The following HBS1L variants were observed in gnomAD, a reference collection of about 807,000 sequenced individuals.
The protein encoded by HBS1L is HBS1-like protein.
A neutral mutation model predicts 88.9 loss-of-function variants in HBS1L; 55 were observed. The ratio of observed to expected loss-of-function variants is 0.62; its 90% CI spans 0.50 to 0.77. HBS1L has a LOEUF of 0.77. HBS1L is among the 30% of genes least tolerant of loss of function. The pLI is 0.00. For missense variants in HBS1L, 741 were observed against 829.3 expected (o/e 0.89, Z 1.31); for synonymous variants, 267 against 288.5 (o/e 0.93, Z 0.76).
At chr6:135,014,801 G>A (rs1240457370) in intron 4 of HBS1L, among the ~76,000 whole-genome samples, 1 of 139,426 alleles carries the variant, frequency 7.2e-6, no homozygotes, top group African/African-American at 2.7e-5. Flanking sequence ...CAGATCACCT[G>A]AGCCCAGGAG....
At chr6:134,982,387 TA>T in intron 13 of HBS1L, 70 bp downstream of exon 13, 1 of 909,434 alleles carries the variant, frequency 1.1e-6, no homozygotes. Context: ...GAGTTGTAAC[TA>T]AACCACTTTT....
chr6:135,051,634 C>A (rs939661114), intron 1 of HBS1L, among the ~76,000 whole-genome samples: 2 of 152,174 alleles, frequency 1.3e-5, no homozygotes, highest in African/African-American at 2.4e-5. Flanking sequence ...CACACTTACC[C>A]AATTTACAGA....
rs1469724395 is a variant in HBS1L, at chr6:134,969,337, AC to A, written c.1798del (p.Val600CysfsTer17). 2 of 1,598,326 alleles carry A rather than the reference AC, an allele frequency of 1.3e-6. No individual in the cohort carries two copies. The highest frequency in any genetic ancestry group is 1.7e-6 in the Non-Finnish European group (2 of 1,166,008). On this transcript the variant is annotated frameshift_variant and splice_region_variant, in exon 16 of 18. Coordinates refer to ENST00000367837, the MANE Select transcript of HBS1L (RefSeq NM_006620.4). LOFTEE classifies it high-confidence loss of function. ...ACTGACAGTTTGGTAGTGTAACAGC[AC>A]CTAAAACAAAAAATTATAACACTAA... ...IEIPITKGFP[V>X]LLHYQTVSEP...
intron 17 of HBS1L, 26 bp downstream of exon 17, chr6:134,966,303 T>C (rs377631142): frequency 1.3e-6 from 2 of 1,594,056 alleles, no homozygotes; most frequent in African/African-American, 2.7e-5. Context: ...TATGGATATA[T>C]AATGAGTCAC....
In HBS1L at chr6:135,041,994, G is replaced by T. The variant is rs1477701150; in HGVS notation, c.235+7C>A. ...TCAGATAACAGATACACTACTTTTT[G>T]CTATACCTTGATCAAATCCACTGAG... On this transcript the variant is annotated splice_region_variant and intron_variant, in intron 3 of 17. Transcript: ENST00000367837. 6.2e-7 allele frequency: 1 copy of T among 1,608,762 alleles called. No individual in the cohort carries two copies. Among genetic ancestry groups the T allele is most frequent in the Non-Finnish European group, 8.5e-7 (1 of 1,177,978 alleles).
rs1775354042 is a variant in HBS1L at position 134,998,512 on chromosome 6, A to G, written c.540-856T>C. Reference sequence around the variant, plus strand: ...AACTATGGATAAACAGAATTAGGACAAAGAGCAGGTTAAATTGGAAGTTAT... The same window carrying G: ...AACTATGGATAAACAGAATTAGGACGAAGAGCAGGTTAAATTGGAAGTTAT... On this transcript the variant is annotated intron_variant, in intron 5 of 17. Coordinates refer to ENST00000367837, the MANE Select transcript of HBS1L (RefSeq NM_006620.4). Among the ~76,000 whole-genome samples the G allele has an allele frequency of 3.9e-5, 6 of 152,386 alleles. 1 individual carries two copies. In the South Asian group the frequency reaches 1.2e-3, roughly 32 times the overall value.
chr6:134,974,259 T>TAA (rs1214019646), intron 15 of HBS1L, among the ~76,000 whole-genome samples: 1 of 149,248 alleles, frequency 6.7e-6, no homozygotes, highest in Non-Finnish European at 1.5e-5. Context: ...AAATCAGTAA[T>TAA]AAAAAAAAAA....
intron 4 of HBS1L, among the ~76,000 whole-genome samples, chr6:135,032,745 CTTA>C (rs1206172916): frequency 6.6e-6 from 1 of 152,052 alleles, no homozygotes; most frequent in African/African-American, 2.4e-5. Flanking sequence ...AAATGAGCAC[CTTA>C]TTAGTTTTAT....
chr6:135,037,299 G>A, intron 4 of HBS1L: 3 of 1,551,808 alleles, frequency 1.9e-6, no homozygotes, highest in Non-Finnish European at 8.7e-7. Context: ...GGCTTATATT[G>A]TTTTCTTTGT....
At position 134,979,226 on chromosome 6, in the gene HBS1L, C is replaced by T; in HGVS notation, c.1640G>A (p.Gly547Asp). The change falls in exon 14 of 18, where the codon GGC becomes GAC. Residue 547 changes from glycine (G) to aspartate (D), a missense_variant. Gly to Asp is a moderately conservative substitution (Grantham distance 94). Transcript: ENST00000367837. Reference sequence around the variant, plus strand: ...AACCAAAGTAAGACTAACATGATCGCCTGCTGCCGCCCAGTCGACAGGTTC... The same window carrying T: ...AACCAAAGTAAGACTAACATGATCGTCTGCTGCCGCCCAGTCGACAGGTTC... ...HDEPVDWAAA[G>D]DHVSLTLVGM... 6.2e-7 allele frequency: 1 copy of T among 1,612,220 alleles called. No individual in the cohort carries two copies. The highest frequency in any genetic ancestry group is 8.5e-7 in the Non-Finnish European group (1 of 1,178,694).
intron 14 of HBS1L, 142 bp downstream of exon 14, chr6:134,979,036 G>GT: frequency 1.5e-6 from 1 of 654,094 alleles, no homozygotes; most frequent in Non-Finnish European, 2.7e-6. Context: ...CAAATTTTAA[G>GT]TAAGTTTGCT....
chr6:135,052,379 G>T (rs151187664), intron 1 of HBS1L, among the ~76,000 whole-genome samples: 1 of 151,960 alleles, frequency 6.6e-6, no homozygotes, highest in Non-Finnish European at 1.5e-5. Context: ...GGAGGATCTC[G>T]CTTGGGCAAC....
intron 15 of HBS1L, among the ~76,000 whole-genome samples, chr6:134,973,838 GA>G (rs199823698): frequency 0.15 from 19,752 of 134,244 alleles, 1,537 homozygotes; most frequent in East Asian, 0.29. Flanking sequence ...TCCATCTCAA[GA>G]AAAAAAAAAA....
chr6:134,988,201 A>C (rs1263474920), intron 8 of HBS1L, among the ~76,000 whole-genome samples: 1 of 151,836 alleles, frequency 6.6e-6, no homozygotes, highest in Admixed American at 6.6e-5. Context: ...CCATCTCTGC[A>C]AAAAATACAA....
At chr6:135,003,937 T>A (rs1478285079) in intron 4 of HBS1L, among the ~76,000 whole-genome samples, 1 of 152,138 alleles carries the variant, frequency 6.6e-6, no homozygotes, top group African/African-American at 2.4e-5. Flanking sequence ...ATGAGCTAGA[T>A]CAAAGTAAGA....
intron 12 of HBS1L, chr6:134,982,832 A>G (rs971125005): frequency 1.8e-5 from 4 of 228,538 alleles, no homozygotes; most frequent in African/African-American, 9.1e-5. Flanking sequence ...AGTACCAGAT[A>G]TTATACTAAA....
chr6:135,047,478 A>G (rs188717267), intron 2 of HBS1L, among the ~76,000 whole-genome samples: 198 of 152,308 alleles, frequency 1.3e-3, no homozygotes, highest in Middle Eastern at 3.4e-3. Flanking sequence ...TTCTCAATGC[A>G]TACCACGAGC....
rs558731630 is a variant in HBS1L, at chr6:134,970,335, G to A, written c.1798-997C>T. ...TTTAGTAGATATGGGGTTTCACCAC[G>A]TTGGCCAGGCTGGTCTCGAACTCCT... On this transcript the variant is annotated intron_variant, in intron 15 of 17. Coordinates refer to ENST00000367837, the MANE Select transcript of HBS1L (RefSeq NM_006620.4). 5.3e-5 allele frequency among the ~76,000 whole-genome samples: 8 copies of A among 152,250 alleles called. No homozygotes were observed. In the South Asian group the frequency reaches 1.7e-3, roughly 32 times the overall value.
At chr6:135,046,462 TAA>T (rs973319299) in intron 2 of HBS1L, among the ~76,000 whole-genome samples, 79 of 152,288 alleles carry the variant, frequency 5.2e-4, no homozygotes, top group African/African-American at 1.9e-3. Context: ...ACCATTCAAA[TAA>T]AGTTTTATAT....
Sources: gnomAD v4.1 joint callset for allele counts (sites outside exome capture counted in the v4.1 genomes callset) on GRCh38, gnomAD v4.1.1 for gene constraint, MANE v1.5 for transcripts, NCBI Gene and HGNC (gene_info 2026-07-23, HGNC 2026-07-21) for gene names.